The following TPST1 variants were observed in gnomAD, a reference collection of about 807,000 sequenced individuals.
TPST1 encodes protein-tyrosine sulfotransferase 1.
A neutral mutation model predicts 34.8 loss-of-function variants in TPST1; 20 were observed. The observed-to-expected ratio is 0.57, with a 90% CI of 0.40 to 0.84. The LOEUF (loss-of-function observed/expected upper bound fraction) is 0.84. Among genes scored for constraint, TPST1 ranks in the 40% least tolerant of loss-of-function variants. TPST1 has a pLI of 0.00. For synonymous variants in TPST1, 152 were observed against 159.4 expected (o/e 0.95, Z 0.35); for missense variants, 353 against 455.5 (o/e 0.78, Z 2.05).
intron 3 of TPST1, among the ~76,000 whole-genome samples, chr7:66,341,771 A>G (rs1274227318): frequency 6.6e-6 from 1 of 152,244 alleles, no homozygotes; most frequent in East Asian, 1.9e-4. Flanking sequence ...TACCTCGGAG[A>G]TAACAAAAAC....
intron 2 of TPST1, among the ~76,000 whole-genome samples, chr7:66,273,519 C>T (rs1790743998): frequency 6.6e-6 from 1 of 152,104 alleles, no homozygotes; most frequent in African/African-American, 2.4e-5. Context: ...TATTTGACTT[C>T]AAAATATACT....
chr7:66,210,983 A>G (rs930846276), intron 1 of TPST1, among the ~76,000 whole-genome samples: 1 of 151,678 alleles, frequency 6.6e-6, no homozygotes, highest in Non-Finnish European at 1.5e-5. Flanking sequence ...TGCCACACAC[A>G]CGCGCGCGCA....
At chr7:66,207,817 C>T (rs1789162787) in intron 1 of TPST1, among the ~76,000 whole-genome samples, 1 of 152,148 alleles carries the variant, frequency 6.6e-6, no homozygotes, top group Non-Finnish European at 1.5e-5. Context: ...TCTCTCCACC[C>T]ATAGCCCCCT....
At chr7:66,308,592 T>C (rs1458936227) in intron 3 of TPST1, among the ~76,000 whole-genome samples, 2 of 152,318 alleles carry the variant, frequency 1.3e-5, no homozygotes, top group African/African-American at 4.8e-5. Context: ...AGTATAGCCA[T>C]GTGCCCATTG....
At chr7:66,227,072 C>T (rs996374533) in intron 1 of TPST1, among the ~76,000 whole-genome samples, 6 of 112,896 alleles carry the variant, frequency 5.3e-5, no homozygotes, top group Non-Finnish European at 8.3e-5. Context: ...CTCACTCTGT[C>T]GCCCAAGCTG....
At chr7:66,356,995 T>G (rs1318603196) in intron 5 of TPST1, 124 bp downstream of exon 5, 3 of 840,114 alleles carry the variant, frequency 3.6e-6, no homozygotes, top group Non-Finnish European at 5.8e-6. Flanking sequence ...TCCTGCCTCT[T>G]CACTTTCTGT....
chr7:66,234,304 T>A (rs571998099), intron 1 of TPST1, among the ~76,000 whole-genome samples: 31 of 151,850 alleles, frequency 2.0e-4, no homozygotes, highest in Non-Finnish European at 3.5e-4. Context: ...AAAGAAAGAC[T>A]GTTCTTTTTA....
At chr7:66,316,249 T>C (rs1791631167) in intron 3 of TPST1, among the ~76,000 whole-genome samples, 1 of 152,244 alleles carries the variant, frequency 6.6e-6, no homozygotes, top group Admixed American at 6.5e-5. Context: ...AAGTTACATT[T>C]TTGTTACTCC....
intron 3 of TPST1, among the ~76,000 whole-genome samples, chr7:66,339,130 A>G (rs1414082679): frequency 6.6e-6 from 1 of 151,994 alleles, no homozygotes; most frequent in Non-Finnish European, 1.5e-5. Context: ...GGGGGGAGAG[A>G]AGACCCAAAT....
At chr7:66,218,486 G>C (rs902626579) in intron 1 of TPST1, among the ~76,000 whole-genome samples, 6 of 152,162 alleles carry the variant, frequency 3.9e-5, no homozygotes, top group African/African-American at 1.4e-4. Flanking sequence ...TTGTACATGT[G>C]ATATGTTTTT....
chr7:66,259,898 C>T lies in TPST1; in HGVS notation c.845+18628C>T, dbSNP rs536364035. Among the ~76,000 whole-genome samples, 8 of 152,280 alleles carry T rather than the reference C, an allele frequency of 5.3e-5. No homozygotes were observed. In the South Asian group the frequency reaches 1.4e-3, roughly 28 times the overall value. ...ATATTTTAACTGTCCTAAAAATCCT[C>T]CGTGTTCCCCCTATTTATCCTTTCC... is the stretch of plus-strand genomic sequence containing the variant. On this transcript the variant is annotated intron_variant, in intron 2 of 5. Coordinates refer to ENST00000304842, the MANE Select transcript of TPST1 (RefSeq NM_003596.4).
chr7:66,317,745 T>A (rs1379691938), intron 3 of TPST1, among the ~76,000 whole-genome samples: 1 of 152,230 alleles, frequency 6.6e-6, no homozygotes, highest in Non-Finnish European at 1.5e-5. Flanking sequence ...GCTTTTTATT[T>A]TTCCCACTTG....
chr7:66,320,901 T>A (rs1046020506), intron 3 of TPST1, among the ~76,000 whole-genome samples: 10 of 152,160 alleles, frequency 6.6e-5, no homozygotes, highest in African/African-American at 1.4e-4. Flanking sequence ...CCCGGCCTTG[T>A]TCATTTTTGT....
In TPST1 at chr7:66,241,159, A is replaced by G. The variant is rs760783778; in HGVS notation, c.734A>G (p.His245Arg). Residue 245 changes from histidine to arginine, a missense_variant, in exon 2 of 6, where the codon CAT (histidine) becomes CGT (arginine). Physicochemically the swap from His to Arg is conservative, Grantham distance 29. Transcript: ENST00000304842. ...MLVHYEQLVL[H>R]PERWMRTLLK... ...GTTCACTATGAACAACTTGTCTTAC[A>G]TCCTGAACGGTGGATGAGAACACTC... 3 of 1,614,116 alleles carry G rather than the reference A, an allele frequency of 1.9e-6. No individual in the cohort carries two copies. The highest frequency in any genetic ancestry group is 2.5e-6 in the Non-Finnish European group (3 of 1,180,056).
rs939990510 is a variant in TPST1, at chr7:66,332,537, T to C, written c.1045-19968T>C. 2.0e-5 allele frequency among the ~76,000 whole-genome samples: 3 copies of C among 152,126 alleles called. No homozygotes were observed. Among genetic ancestry groups the C allele is most frequent in the African/African-American group, 7.2e-5 (3 of 41,420 alleles). ...ATCCACCCGCCTCGGCCTCCCAAAG[T>C]GCTAGGATTACAGGCATGAGCCAAC... On this transcript the variant is annotated intron_variant, in intron 3 of 5. Coordinates refer to ENST00000304842, the MANE Select transcript of TPST1 (RefSeq NM_003596.4). The surrounding 1 kb of genome is among the most constrained non-coding windows in gnomAD (Gnocchi z 4.5).
intron 3 of TPST1, among the ~76,000 whole-genome samples, chr7:66,325,228 C>T (rs969794089): frequency 2.6e-5 from 4 of 152,184 alleles, no homozygotes; most frequent in Non-Finnish European, 5.9e-5. Flanking sequence ...AACTCACTCA[C>T]TATCACGAGG....
intron 1 of TPST1, among the ~76,000 whole-genome samples, chr7:66,237,756 T>C (rs1250350299): frequency 6.6e-6 from 1 of 152,024 alleles, no homozygotes; most frequent in Non-Finnish European, 1.5e-5. Context: ...AAGAGACTGA[T>C]TTTAAGGAAT....
At chr7:66,350,570 G>GA (rs1047436676) in intron 3 of TPST1, among the ~76,000 whole-genome samples, 4 of 151,894 alleles carry the variant, frequency 2.6e-5, no homozygotes, top group African/African-American at 9.7e-5. Flanking sequence ...GGCATTGCAG[G>GA]AAAAAAAAGT....
chr7:66,308,228 A>C (rs1791461804), intron 3 of TPST1, among the ~76,000 whole-genome samples: 1 of 152,174 alleles, frequency 6.6e-6, no homozygotes, highest in African/African-American at 2.4e-5. Flanking sequence ...CTCAAAAGGG[A>C]GAGTAATGAT....
Sources: gnomAD v4.1 joint callset for allele counts (sites outside exome capture counted in the v4.1 genomes callset) on GRCh38, gnomAD v4.1.1 for gene constraint, Gnocchi (gnomAD v3.1) non-coding constraint, MANE v1.5 for transcripts, NCBI Gene and HGNC (gene_info 2026-07-23, HGNC 2026-07-21) for gene names.